LAIR2: variants seen among roughly 807,000 people sequenced by gnomAD.
LAIR2 encodes leukocyte-associated immunoglobulin-like receptor 2.
LAIR2 carries 14 observed loss-of-function variants against 14.8 expected under a neutral mutation model. The observed-to-expected ratio is 0.95, with a 90% confidence interval of 0.62 to 1.48. The LOEUF (loss-of-function observed/expected upper bound fraction) is 1.48, where lower values mean the gene tolerates loss of function less well. Among genes scored for constraint, LAIR2 ranks in the 40% most tolerant of loss-of-function variants. The pLI, the probability that LAIR2 is intolerant of heterozygous loss-of-function variation, is 0.00. For synonymous variants in LAIR2, 75 were observed against 74.5 expected (o/e 1.01, Z -0.03); for missense variants, 172 against 180.9 (o/e 0.95, Z 0.28).
intron 1 of LAIR2, 68 bp from the exon 2 acceptor site, chr19:54,503,632 C>A: frequency 6.2e-7 from 1 of 1,608,516 alleles, no homozygotes. Flanking sequence ...CGTCAAGCCC[C>A]CTTTTGACAG....
rs2085451483 is a variant in LAIR2 at position 54,510,552 on chromosome 19, G to A, written c.442G>A (p.Gly148Arg). The A allele has an allele frequency of 3.1e-6, 5 of 1,613,700 alleles. No individual in the cohort carries two copies. Among genetic ancestry groups the A allele is most frequent in the Non-Finnish European group, 3.4e-6 (4 of 1,179,704 alleles). The change falls in exon 5 of 5, where the codon GGA (glycine) becomes AGA (arginine). Residue 148 changes from glycine (G) to arginine (R), a missense_variant. Gly to Arg is a moderately radical substitution (Grantham distance 125, BLOSUM62 -2). Coordinates refer to ENST00000301202, the MANE Select transcript of LAIR2 (RefSeq NM_002288.6). ...GACTGTGCCAGGCACTGAAGCCTCC[G>A]GATTTGATGCACCATGAATGAGGAG... The part of the protein sequence containing the change: ...AGTVPGTEAS[G>R]FDAP
intron 2 of LAIR2, 79 bp downstream of exon 2, chr19:54,503,814 C>T: frequency 6.3e-7 from 1 of 1,582,708 alleles, no homozygotes; most frequent in South Asian, 1.1e-5. Context: ...GATGTTGATT[C>T]TTAGAGGGCC....
At chr19:54,503,554 T>C (rs1311435066) in intron 1 of LAIR2, 146 bp from the exon 2 acceptor site, 1 of 938,850 alleles carries the variant, frequency 1.1e-6, no homozygotes, top group African/African-American at 1.6e-5. Context: ...CAAGAAGGAT[T>C]ACATGGAGAC....
Position 54,510,578 on chromosome 19 carries a change from A to C in LAIR2, c.*9A>C. 1 of 1,613,836 alleles carries C rather than the reference A, an allele frequency of 6.2e-7. No individual in the cohort carries two copies. On this transcript the variant is annotated 3_prime_UTR_variant, in exon 5 of 5. Coordinates refer to ENST00000301202, the MANE Select transcript of LAIR2 (RefSeq NM_002288.6). Reference sequence around the variant, plus strand: ...GATTTGATGCACCATGAATGAGGAGAAATGGCCTCCCGTCTTGTGAACTTC... The same window carrying C: ...GATTTGATGCACCATGAATGAGGAGCAATGGCCTCCCGTCTTGTGAACTTC...
Position 54,508,174 on chromosome 19 carries a change from G to A in LAIR2, c.354G>A (p.Leu118=). 6.2e-7 allele frequency: 1 copy of A among 1,611,978 alleles called. No individual in the cohort carries two copies. Among genetic ancestry groups the A allele is most frequent in the Non-Finnish European group, 8.5e-7 (1 of 1,179,146 alleles). The change falls in exon 3 of 5, where the codon CTG becomes CTA. Residue 118 remains leucine, a synonymous_variant. Transcript: ENST00000301202. ...CTGAGCACAGTGACTTCCTGGAGCT[G>A]CTGGTGAAAGGTGAGGACGTCACCT... ...GWSEHSDFLE[L]LVKESSGGPD... is the part of the protein sequence containing the mutation.
chr19:54,503,856 G>T (rs2085319613), intron 2 of LAIR2, 121 bp downstream of exon 2: 3 of 1,236,994 alleles, frequency 2.4e-6, no homozygotes. Flanking sequence ...ACCCTAGATT[G>T]CAAACTATTC....
At position 54,507,893 on chromosome 19, in the gene LAIR2, G is replaced by A; in HGVS notation, c.73G>A (p.Ala25Thr). ...LAQTIHTQEGALPRPSISAEP... is the reference protein window; with the variant it reads ...LAQTIHTQEGTLPRPSISAEP... ...ATCCTTCTTTGCTTCCCTCTTAGGG[G>A]CCCTTCCCAGACCCTCCATCTCGGC... is the stretch of plus-strand genomic sequence containing the variant. Residue 25 changes from alanine (A) to threonine (T), a missense_variant and splice_region_variant, in exon 3 of 5, where the codon GCC becomes ACC. This residue lies in a region of LAIR2 where 161 missense variants were observed against 149.0 expected (regional missense o/e 1.08). Transcript: ENST00000301202. 1 of 1,613,278 alleles carries A rather than the reference G, an allele frequency of 6.2e-7. No homozygotes were observed. Among genetic ancestry groups the A allele is most frequent in the Non-Finnish European group, 8.5e-7 (1 of 1,179,492 alleles).
intron 2 of LAIR2, among the ~76,000 whole-genome samples, 187 bp downstream of exon 2, chr19:54,503,922 T>C (rs1261443073): frequency 6.6e-6 from 1 of 152,078 alleles, no homozygotes; most frequent in Non-Finnish European, 1.5e-5. Flanking sequence ...CCACCTGTCA[T>C]GTTTTGCTTT....
intron 2 of LAIR2, among the ~76,000 whole-genome samples, chr19:54,506,588 CTT>C (rs1288822598): frequency 1.2e-4 from 18 of 152,294 alleles, no homozygotes; most frequent in Admixed American, 9.2e-4. Flanking sequence ...CCACAGGAAA[CTT>C]ATTGCAGTTC....
In LAIR2 at chr19:54,507,906, C is replaced by A; in HGVS notation, c.86C>A (p.Pro29His). 6.2e-7 allele frequency: 1 copy of A among 1,613,974 alleles called. No individual in the cohort carries two copies. The highest frequency in any genetic ancestry group is 8.5e-7 in the Non-Finnish European group (1 of 1,179,926). ...IHTQEGALPRPSISAEPGTVI... is the reference protein window; with the variant it reads ...IHTQEGALPRHSISAEPGTVI... Reference sequence around the variant, plus strand: ...TCCCTCTTAGGGGCCCTTCCCAGACCCTCCATCTCGGCTGAGCCAGGCACT... The same window carrying A: ...TCCCTCTTAGGGGCCCTTCCCAGACACTCCATCTCGGCTGAGCCAGGCACT... The change falls in exon 3 of 5, where the codon CCC (proline) becomes CAC (histidine). Residue 29 changes from proline (P) to histidine (H), a missense_variant. By Grantham distance (77) the Pro-to-His change is moderately conservative (BLOSUM62 -2). Transcript: ENST00000301202.
At position 54,508,241 on chromosome 19, in the gene LAIR2, G is replaced by C. The variant is rs545687690; in HGVS notation, c.364+57G>C. ...TCAGCTCGACCCTCGAGCTTGTCCC[G>C]AGGTCCCTGGTCCCTGTCCCGGCTG... On this transcript the variant is annotated intron_variant, in intron 3 of 4. Transcript: ENST00000301202. The C allele has an allele frequency of 4.0e-5, 62 of 1,536,038 alleles. No homozygotes were observed. The African/African-American group carries it at 4.1e-4, about 10-fold the overall frequency.
intron 1 of LAIR2, among the ~76,000 whole-genome samples, chr19:54,503,165 T>C (rs931549429): frequency 1.3e-5 from 2 of 152,014 alleles, no homozygotes; most frequent in Non-Finnish European, 2.9e-5. Flanking sequence ...AGGTCAGCTT[T>C]AAGAAGGGCT....
intron 2 of LAIR2, among the ~76,000 whole-genome samples, chr19:54,507,248 A>T (rs2085380762): frequency 6.9e-6 from 1 of 143,962 alleles, no homozygotes; most frequent in Admixed American, 7.1e-5. Flanking sequence ...GGAAATGCAA[A>T]TTAAGCTGAG....
intron 3 of LAIR2, 27 bp from the exon 4 acceptor site, chr19:54,509,007 TA>T: frequency 1.5e-6 from 1 of 658,418 alleles, no homozygotes; most frequent in Non-Finnish European, 2.5e-6. Context: ...GGACGGGTTC[TA>T]AATCCTTCTC....
chr19:54,508,033 T>A lies in LAIR2; in HGVS notation c.213T>A (p.Ser71Arg), dbSNP rs2085397180. 6.2e-7 allele frequency: 1 copy of A among 1,614,124 alleles called. No individual in the cohort carries two copies. The highest frequency in any genetic ancestry group is 2.2e-5 in the East Asian group (1 of 44,872). ...AGGATAGAGCCAAGTACAAAGATAG[T>A]TATAATGTGTTTCGACTTGGTCCAT... Reference protein sequence around the residue: ...EREDRAKYKDSYNVFRLGPSE... With the variant: ...EREDRAKYKDRYNVFRLGPSE... The change falls in exon 3 of 5, where the codon AGT becomes AGA. Residue 71 changes from serine (S) to arginine (R), a missense_variant. Around this residue, in one of 2 missense-constraint regions of LAIR2, gnomAD observed 161 missense variants for 149.0 expected, o/e 1.08. Transcript: ENST00000301202.
In LAIR2 at chr19:54,505,130, A is replaced by G. The variant is rs115513439; in HGVS notation, c.70+1395A>G. On this transcript the variant is annotated intron_variant, in intron 2 of 4. Coordinates refer to ENST00000301202, the MANE Select transcript of LAIR2 (RefSeq NM_002288.6). The stretch of plus-strand genomic sequence containing the variant: ...ACTCAGGTTATTTCCAGGTCTTGGC[A>G]GCTGTGAGTAGCGCTGCGGTCACCC... 9.3e-3 allele frequency among the ~76,000 whole-genome samples: 1,417 copies of G among 152,170 alleles called. 15 individuals carry two copies. The highest frequency in any genetic ancestry group is 0.032 in the African/African-American group (1,310 of 41,490).
In LAIR2 at chr19:54,508,126, C is replaced by A; in HGVS notation, c.306C>A (p.Leu102=). ...SEGNAGLYRC[L]YYKPPGWSEH... ...GAAATGCCGGGCTTTATCGCTGCCTCTATTATAAGCCCCCTGGATGGTCTG... is the reference window on the plus strand; with the variant it reads ...GAAATGCCGGGCTTTATCGCTGCCTATATTATAAGCCCCCTGGATGGTCTG... The change falls in exon 3 of 5, where the codon CTC becomes CTA. Residue 102 remains leucine (L), a synonymous_variant. Coordinates refer to ENST00000301202, the MANE Select transcript of LAIR2 (RefSeq NM_002288.6). The A allele has an allele frequency of 6.2e-7, 1 of 1,614,156 alleles. No homozygotes were observed. Among genetic ancestry groups the A allele is most frequent in the Middle Eastern group, 1.7e-4 (1 of 5,988 alleles).
intron 2 of LAIR2, among the ~76,000 whole-genome samples, chr19:54,507,275 TA>T (rs1233706120): frequency 0.45 from 65,233 of 143,744 alleles, 14,547 homozygotes; most frequent in Non-Finnish European, 0.5. Context: ...GTAGAAACTA[TA>T]GAGGAAAACC....
intron 1 of LAIR2, 38 bp from the exon 2 acceptor site, chr19:54,503,662 G>A: frequency 1.9e-6 from 3 of 1,613,828 alleles, no homozygotes; most frequent in East Asian, 2.2e-5. Flanking sequence ...AAGGAGACTG[G>A]GCAGTGGGCA....
Sources: gnomAD v4.1 joint callset for allele counts (sites outside exome capture counted in the v4.1 genomes callset) on GRCh38, gnomAD v4.1.1 for gene constraint, gnomAD v4.1.1 regional missense constraint, MANE v1.5 for transcripts, NCBI Gene and HGNC (gene_info 2026-07-23, HGNC 2026-07-21) for gene names.